Variants in KAT6A observed in about 807,000 individuals in gnomAD.
KAT6A encodes the protein histone acetyltransferase KAT6A.
Under a neutral mutation model 198.4 loss-of-function variants are expected in KAT6A, and 9 were observed. That is an observed-to-expected ratio of 0.05 (90% CI 0.03 to 0.08). KAT6A has a LOEUF of 0.08. Ranked by LOEUF, KAT6A falls within the 10% of genes least tolerant of loss-of-function variation. KAT6A has a pLI of 1.00. For missense variants in KAT6A, 2,077 were observed against 2,509.9 expected (o/e 0.83, Z 3.69); for synonymous variants, 890 against 883.0 (o/e 1.01, Z -0.14).
intron 8 of KAT6A, among the ~76,000 whole-genome samples, chr8:41,971,213 TTAAGGTA>T (rs1362131413): frequency 1.4e-5 from 2 of 141,208 alleles, no homozygotes; most frequent in Admixed American, 1.4e-4. Context: ...ACCCTAAAAC[TTAAGGTA>T]TAATTTAAAA....
chr8:41,957,380 A>AATGGCTACAC (rs2150872609), intron 8 of KAT6A: 1 of 471,840 alleles, frequency 2.1e-6, no homozygotes, highest in East Asian at 4.7e-5. Flanking sequence ...GGGAGGAAGA[A>AATGGCTACAC]ATGGCTACAC....
rs747671104 is a variant in KAT6A, at chr8:42,048,516, G to C, written c.462C>G (p.Ala154=). The C allele has an allele frequency of 7.4e-6, 12 of 1,614,192 alleles. No homozygotes were observed. The highest frequency in any genetic ancestry group is 2.2e-5 in the East Asian group (1 of 44,888). Reference sequence around the variant, plus strand: ...CTTTAAGGAGTCTGCCGTGGCCAATGGCACGTTTGATAGCCAATCGTAACT... The same window carrying C: ...CTTTAAGGAGTCTGCCGTGGCCAATCGCACGTTTGATAGCCAATCGTAACT... The part of the protein sequence containing the change: ...HQQLRLAIKR[A]IGHGRLLKDG... The change falls in exon 2 of 17, where the codon GCC becomes GCG. Residue 154 remains alanine (A), a synonymous_variant. Transcript: ENST00000265713.
At chr8:42,003,726 C>G (rs192226598) in intron 2 of KAT6A, among the ~76,000 whole-genome samples, 89 of 152,184 alleles carry the variant, frequency 5.8e-4, no homozygotes, top group Non-Finnish European at 1.1e-3. Context: ...CAATGTGACT[C>G]TATTTGGAGA....
At chr8:41,981,482 G>C (rs1202843277) in intron 4 of KAT6A, among the ~76,000 whole-genome samples, 2 of 152,082 alleles carry the variant, frequency 1.3e-5, no homozygotes, top group African/African-American at 4.8e-5. Flanking sequence ...CCAGAAATAA[G>C]CTAACCCTGG....
intron 2 of KAT6A, among the ~76,000 whole-genome samples, chr8:42,042,547 A>G (rs1827717994): frequency 6.6e-6 from 1 of 152,226 alleles, no homozygotes; most frequent in South Asian, 2.1e-4. Context: ...TAAAATATAA[A>G]TTCCAATAAA....
At chr8:42,012,463 G>A (rs2150909555) in intron 2 of KAT6A, among the ~76,000 whole-genome samples, 1 of 152,322 alleles carries the variant, frequency 6.6e-6, no homozygotes, top group Admixed American at 6.5e-5. Flanking sequence ...GAGAAGCAGA[G>A]GAACAGGTGA....
At chr8:41,962,359 A>G (rs191621793) in intron 8 of KAT6A, among the ~76,000 whole-genome samples, 37 of 152,044 alleles carry the variant, frequency 2.4e-4, no homozygotes, top group African/African-American at 8.0e-4. Flanking sequence ...AAACTCCTAA[A>G]TCTTTTCCCC....
rs1400893764 is a variant in KAT6A, at chr8:41,929,916, CAGTG to C, written c.*2285_*2288del. ...TTTTAAAAGGCATCAAAGTCACTAA[CAGTG>C]AGTTTTTAAATTTCTTTTTTAGAAG... is the stretch of plus-strand genomic sequence containing the variant. On this transcript the variant is annotated 3_prime_UTR_variant, in exon 17 of 17. Coordinates refer to ENST00000265713, the MANE Select transcript of KAT6A (RefSeq NM_006766.5). The C allele has an allele frequency of 1.4e-5, 3 of 214,854 alleles. No individual in the cohort carries two copies. The highest frequency in any genetic ancestry group is 2.8e-5 in the Non-Finnish European group (3 of 106,520). 13.3% of individuals were successfully genotyped at this position (214,854 alleles called of 1,614,324 possible). A position where few individuals can be genotyped will look rare whatever the true frequency, so the allele number is the denominator to read the frequency against.
intron 8 of KAT6A, among the ~76,000 whole-genome samples, chr8:41,972,460 G>A (rs1349639856): frequency 3.3e-5 from 5 of 152,220 alleles, no homozygotes; most frequent in African/African-American, 4.8e-5. Flanking sequence ...CCTAAACCAG[G>A]TGGTCACTGT....
At chr8:41,967,031 T>C (rs1305622745) in intron 8 of KAT6A, among the ~76,000 whole-genome samples, 3 of 152,160 alleles carry the variant, frequency 2.0e-5, no homozygotes, top group East Asian at 1.9e-4. Context: ...TTAATAATGA[T>C]TTAACTCTTC....
chr8:42,008,581 C>T (rs530744045), intron 2 of KAT6A, among the ~76,000 whole-genome samples: 2 of 152,182 alleles, frequency 1.3e-5, no homozygotes, highest in East Asian at 1.9e-4. Flanking sequence ...TCAAGTGATC[C>T]GCCTGCCTCT....
chr8:41,966,404 G>GTA (rs1258675093), intron 8 of KAT6A, among the ~76,000 whole-genome samples: 1 of 152,100 alleles, frequency 6.6e-6, no homozygotes, highest in Non-Finnish European at 1.5e-5. Flanking sequence ...CTACATTCAT[G>GTA]TAACACAATA....
Position 41,930,829 on chromosome 8 carries a change from A to G in KAT6A, c.*1376T>C, listed in dbSNP as rs1045657783. On this transcript the variant is annotated 3_prime_UTR_variant, in exon 17 of 17. Transcript: ENST00000265713. ...CGAGAGAAAAGAGAATGGAGTTGGGAGCAACACATGAACTTGCGTTATAAC... is the reference window on the plus strand; with the variant it reads ...CGAGAGAAAAGAGAATGGAGTTGGGGGCAACACATGAACTTGCGTTATAAC... 5.1e-6 allele frequency: 1 copy of G among 195,986 alleles called. No homozygotes were observed. Among genetic ancestry groups the G allele is most frequent in the Non-Finnish European group, 1.0e-5 (1 of 95,992 alleles). 12.1% of individuals were successfully genotyped at this position (195,986 alleles called of 1,614,324 possible).
chr8:41,953,865 C>T (rs1314866004), intron 9 of KAT6A, among the ~76,000 whole-genome samples: 1 of 152,138 alleles, frequency 6.6e-6, no homozygotes, highest in African/African-American at 2.4e-5. Context: ...AAGTTCCTGC[C>T]TTCCTTTAAC....
intron 3 of KAT6A, 32 bp downstream of exon 3, chr8:41,987,423 T>G: frequency 7.4e-7 from 1 of 1,359,044 alleles, no homozygotes; most frequent in Non-Finnish European, 1.1e-6. Flanking sequence ...TCGTAACACA[T>G]TTTAGAAGAA....
chr8:42,051,484 C>T (rs1253327710), intron 1 of KAT6A, among the ~76,000 whole-genome samples: 2 of 146,828 alleles, frequency 1.4e-5, no homozygotes, highest in Non-Finnish European at 3.0e-5. Context: ...ACGCGCGCGG[C>T]GGGCGGGTGG....
At position 41,934,270 on chromosome 8, in the gene KAT6A, T is replaced by A. The variant is rs776775012; in HGVS notation, c.3950A>T (p.Asp1317Val). ...CTCCAGGTGGCCATCATCCTCATCA[T>A]CAGCGTCGTGGTCGTCATTCTGGGC... ...ETAQNDDHDA[D>V]DEDDGHLEST... The change falls in exon 17 of 17, where the codon GAT (aspartate) becomes GTT (valine). Residue 1317 changes from aspartate to valine, a missense_variant. Asp to Val is a radical substitution (Grantham distance 152, BLOSUM62 -3). This residue lies in a region of KAT6A where 375 missense variants were observed against 383.0 expected (regional missense o/e 0.98). Coordinates refer to ENST00000265713, the MANE Select transcript of KAT6A (RefSeq NM_006766.5). 2.5e-6 allele frequency: 4 copies of A among 1,614,200 alleles called. No individual in the cohort carries two copies. In the East Asian group the frequency reaches 8.9e-5, roughly 36 times the overall value.
In KAT6A at chr8:41,932,146, A is replaced by G. The variant is rs764156028; in HGVS notation, c.*59T>C. The G allele has an allele frequency of 4.7e-5, 62 of 1,306,244 alleles. 1 individual carries two copies. In the Middle Eastern group the frequency reaches 8.8e-4, roughly 18 times the overall value. 80.9% of individuals were successfully genotyped at this position (1,306,244 alleles called of 1,614,324 possible). ...AAGGTCCATTTTTCTCTGGTTTGTC[A>G]GTATAAAAGGTTCCTTTATTTATAT... On this transcript the variant is annotated 3_prime_UTR_variant, in exon 17 of 17. Transcript: ENST00000265713.
intron 2 of KAT6A, among the ~76,000 whole-genome samples, chr8:41,997,517 T>A (rs1825278046): frequency 6.6e-6 from 1 of 152,232 alleles, no homozygotes; most frequent in Non-Finnish European, 1.5e-5. Flanking sequence ...TATCTTTTAA[T>A]CCAATTGCAT....
Sources: allele counts gnomAD v4.1 joint callset (sites outside exome capture counted in the v4.1 genomes callset), GRCh38; gene constraint gnomAD v4.1.1; regional missense constraint gnomAD v4.1.1; transcripts MANE v1.5; gene names NCBI Gene and HGNC (gene_info 2026-07-23, HGNC 2026-07-21).